Variants in ELL2 observed in about 807,000 individuals in gnomAD.
ELL2 encodes the protein RNA polymerase II elongation factor ELL2.
In ELL2, 21 loss-of-function variants were observed where a neutral mutation model predicts 72.8. That is an observed-to-expected ratio of 0.29 (90% CI 0.20 to 0.42). ELL2 has a LOEUF of 0.42. Among genes scored for constraint, ELL2 ranks in the 10% least tolerant of loss-of-function variants. ELL2 has a pLI of 1.00. For synonymous variants in ELL2, 266 were observed against 283.2 expected, an observed-to-expected ratio of 0.94 and a Z score of 0.61; for missense variants, 568 against 772.8, an observed-to-expected ratio of 0.73 and a Z score of 3.14.
Position 95,898,566 on chromosome 5 carries a change from C to G in ELL2, c.1199G>C (p.Ser400Thr). The change falls in exon 8 of 12, where the codon AGC becomes ACC. Residue 400 changes from serine (S) to threonine (T), a missense_variant. Transcript: ENST00000237853. ...TTGAGTCCCCCGGCCTTCTGGAGTG[C>G]TAGGGGAGTTGGAGTTAGAATTTAC... is the stretch of plus-strand genomic sequence containing the variant. ...QIVNSNSNSP[S>T]TPEGRGTQDL... 6.2e-7 allele frequency: 1 copy of G among 1,613,934 alleles called. No individual in the cohort carries two copies. Among genetic ancestry groups the G allele is most frequent in the Non-Finnish European group, 8.5e-7 (1 of 1,179,998 alleles).
chr5:95,923,446 A>G (rs935788443), intron 2 of ELL2, among the ~76,000 whole-genome samples: 52 of 152,144 alleles, frequency 3.4e-4, no homozygotes. Flanking sequence ...GGTATATTTG[A>G]GCAGTACGCA....
At chr5:95,910,165 C>CTT (rs144685269) in intron 4 of ELL2, among the ~76,000 whole-genome samples, 1 of 150,758 alleles carries the variant, frequency 6.6e-6, no homozygotes, top group African/African-American at 2.4e-5. Context: ...AAATACCCAC[C>CTT]TTTTTTTTTA....
At chr5:95,892,704 C>T (rs975512258) in intron 9 of ELL2, among the ~76,000 whole-genome samples, 1 of 152,168 alleles carries the variant, frequency 6.6e-6, no homozygotes, top group Admixed American at 6.5e-5. Flanking sequence ...ATAAGCCCAT[C>T]AGTTTGTTTA....
chr5:95,917,272 G>A (rs902395786), intron 3 of ELL2, among the ~76,000 whole-genome samples: 1 of 152,156 alleles, frequency 6.6e-6, no homozygotes, highest in Non-Finnish European at 1.5e-5. Context: ...TATGAGAAAA[G>A]TGAGAATCAA....
chr5:95,914,227 G>A (rs563014940), intron 3 of ELL2, among the ~76,000 whole-genome samples: 1 of 152,118 alleles, frequency 6.6e-6, no homozygotes, highest in South Asian at 2.1e-4. Context: ...GATGGGCATT[G>A]TAGTTGTTTT....
At position 95,888,995 on chromosome 5, in the gene ELL2, T is replaced by C. The variant is rs759878944; in HGVS notation, c.1807-8A>G. The C allele has an allele frequency of 1.6e-6, 2 of 1,256,054 alleles. No homozygotes were observed. Among genetic ancestry groups the C allele is most frequent in the South Asian group, 1.4e-5 (1 of 73,018 alleles). 77.8% of individuals were successfully genotyped at this position (1,256,054 alleles called of 1,614,324 possible). A position where few individuals can be genotyped will look rare whatever the true frequency, so the allele number is the denominator to read the frequency against. On this transcript the variant is annotated splice_polypyrimidine_tract_variant and splice_region_variant and intron_variant, in intron 11 of 11. Transcript: ENST00000237853. ...ATGGTAATTGGGACTAGACTGCAGA[T>C]GAAAAAAAAAAAAAAAAAAGAGGAA... is the stretch of plus-strand genomic sequence containing the variant.
At position 95,936,573 on chromosome 5, in the gene ELL2, G is replaced by A. The variant is rs570483294; in HGVS notation, c.195+6429C>T. Among the ~76,000 whole-genome samples the A allele has an allele frequency of 5.3e-5, 8 of 152,152 alleles. No homozygotes were observed. In the East Asian group the frequency reaches 5.8e-4, roughly 11 times the overall value. On this transcript the variant is annotated intron_variant, in intron 2 of 11. Coordinates refer to ENST00000237853, the MANE Select transcript of ELL2 (RefSeq NM_012081.6). ...TGAGGCGGGAGGATCGCTTGAGTCCGGGAGTTGGAGACCAGGCTGGGCAAT... is the reference window on the plus strand; with the variant it reads ...TGAGGCGGGAGGATCGCTTGAGTCCAGGAGTTGGAGACCAGGCTGGGCAAT...
At chr5:95,907,556 T>C (rs761584001) in intron 4 of ELL2, among the ~76,000 whole-genome samples, 1 of 152,094 alleles carries the variant, frequency 6.6e-6, no homozygotes, top group Non-Finnish European at 1.5e-5. Flanking sequence ...TTCTAGAACA[T>C]GTGTGGGCTG....
intron 1 of ELL2, among the ~76,000 whole-genome samples, chr5:95,959,982 T>TGG (rs966474728): frequency 6.6e-6 from 1 of 151,918 alleles, no homozygotes; most frequent in African/African-American, 2.4e-5. Flanking sequence ...ACTTATGGGG[T>TGG]GGGGGGGCTC....
intron 1 of ELL2, among the ~76,000 whole-genome samples, chr5:95,954,633 G>A (rs1205020104): frequency 7.2e-6 from 1 of 138,780 alleles, no homozygotes; most frequent in African/African-American, 2.7e-5. Context: ...GTAGAGACAG[G>A]GTTTCACCGT....
intron 4 of ELL2, among the ~76,000 whole-genome samples, chr5:95,907,776 C>T (rs1209684879): frequency 1.3e-5 from 2 of 152,170 alleles, no homozygotes; most frequent in Non-Finnish European, 2.9e-5. Context: ...AGGGGAAGAA[C>T]TTGTAATGAC....
chr5:95,926,761 T>C (rs1750295896), intron 2 of ELL2, among the ~76,000 whole-genome samples: 1 of 152,232 alleles, frequency 6.6e-6, no homozygotes, highest in Non-Finnish European at 1.5e-5. Flanking sequence ...TTCTCATCCC[T>C]AATGTATTCT....
Position 95,898,252 on chromosome 5 carries a change from T to C in ELL2, c.1513A>G (p.Asn505Asp). 1 of 1,600,336 alleles carries C rather than the reference T, an allele frequency of 6.2e-7. No homozygotes were observed. Residue 505 changes from asparagine (N) to aspartate (D), a missense_variant, in exon 8 of 12, where the codon AAT becomes GAT. Asn to Asp is a conservative substitution (Grantham distance 23, BLOSUM62 1). Coordinates refer to ENST00000237853, the MANE Select transcript of ELL2 (RefSeq NM_012081.6). ...AAAGGTAAAATACCTCCACTGGAAT[T>C]TGGACTGGAGTTATTTAGCTTGGCA... is the stretch of plus-strand genomic sequence containing the variant. ...EIAKLNNSSP[N>D]SSGGVKEDCT... is the part of the protein sequence containing the mutation.
intron 2 of ELL2, among the ~76,000 whole-genome samples, chr5:95,937,549 T>A (rs897929049): frequency 2.0e-5 from 3 of 151,590 alleles, no homozygotes; most frequent in Non-Finnish European, 2.9e-5. Flanking sequence ...TGTGTATATA[T>A]AAAAACTAAA....
chr5:95,937,528 C>T (rs938630144), intron 2 of ELL2, among the ~76,000 whole-genome samples: 8 of 149,918 alleles, frequency 5.3e-5, no homozygotes, highest in South Asian at 2.1e-4. Flanking sequence ...TGTGTGTGTA[C>T]GTGTTGTGTG....
intron 9 of ELL2, among the ~76,000 whole-genome samples, chr5:95,891,476 G>A (rs957327215): frequency 6.6e-6 from 1 of 152,198 alleles, no homozygotes; most frequent in African/African-American, 2.4e-5. Flanking sequence ...GAGCTTCAAC[G>A]AAGGAGAGTA....
intron 1 of ELL2, among the ~76,000 whole-genome samples, chr5:95,958,746 GT>G (rs1241698965): frequency 5.3e-5 from 8 of 152,152 alleles, no homozygotes; most frequent in African/African-American, 1.7e-4. Flanking sequence ...ATGCTTTAAG[GT>G]AGAGAGATCT....
chr5:95,938,135 T>G (rs1750844706), intron 2 of ELL2, among the ~76,000 whole-genome samples: 1 of 152,200 alleles, frequency 6.6e-6, no homozygotes, highest in African/African-American at 2.4e-5. Flanking sequence ...AAGGCTTTGC[T>G]AAGTTTGGGG....
chr5:95,926,225 G>A (rs1399858040), intron 2 of ELL2, among the ~76,000 whole-genome samples: 1 of 151,474 alleles, frequency 6.6e-6, no homozygotes, highest in East Asian at 1.9e-4. Context: ...AACCAATGCT[G>A]AAGGGTGGAG....
Sources: allele counts gnomAD v4.1 joint callset (sites outside exome capture counted in the v4.1 genomes callset), GRCh38; gene constraint gnomAD v4.1.1; transcripts MANE v1.5; gene names NCBI Gene and HGNC (gene_info 2026-07-23, HGNC 2026-07-21).